The following IPO4 variants were observed in gnomAD, a reference collection of about 807,000 sequenced individuals.
IPO4 encodes importin 4, also known as importin-4.
Under a neutral mutation model 133.5 loss-of-function variants are expected in IPO4, and 91 were observed. The ratio of observed to expected loss-of-function variants is 0.68; its 90% confidence interval spans 0.58 to 0.81. IPO4 has a LOEUF of 0.81. Ranked by LOEUF, IPO4 falls within the 30% of genes least tolerant of loss-of-function variation. The pLI, the probability that IPO4 is intolerant of heterozygous loss-of-function variation, is 0.00. For missense variants in IPO4, 1,279 were observed against 1,386.2 expected (o/e 0.92, Z 1.23); for synonymous variants, 607 against 581.6 (o/e 1.04, Z -0.63).
rs1352910958 is a variant in IPO4, at chr14:24,183,372, G to A, written c.2122-17C>T. ...GTGAGGGCACTGCAGGATGAGGAGG[G>A]GCGGGATATGTCTGCTATGTGCACC... On this transcript the variant is annotated splice_polypyrimidine_tract_variant and intron_variant, in intron 21 of 29. Transcript: ENST00000354464. 6.3e-7 allele frequency: 1 copy of A among 1,599,924 alleles called. No homozygotes were observed. The highest frequency in any genetic ancestry group is 8.5e-7 in the Non-Finnish European group (1 of 1,172,242).
intron 18 of IPO4, 29 bp from the exon 19 acceptor site, chr14:24,183,927 G>T: frequency 6.2e-7 from 1 of 1,613,802 alleles, no homozygotes; most frequent in Non-Finnish European, 8.5e-7. Context: ...AAGGACTTTG[G>T]CTCAGCTGGG....
intron 28 of IPO4, 31 bp downstream of exon 28, chr14:24,181,482 C>T: frequency 2.0e-6 from 3 of 1,536,002 alleles, no homozygotes; most frequent in South Asian, 2.4e-5. Context: ...GCGGCACGTT[C>T]CCCTCTGAGG....
Position 24,188,814 on chromosome 14 carries a change from GC to G in IPO4, c.-28del. On this transcript the variant is annotated 5_prime_UTR_variant, in exon 1 of 30. Coordinates refer to ENST00000354464, the MANE Select transcript of IPO4 (RefSeq NM_024658.4). ...GCAGCAACTGAGCCGCCGCTACTGG[GC>G]CGAAAAGGGGAGGGGGAGGGACAGC... The G allele has an allele frequency of 4.7e-6, 7 of 1,477,620 alleles. No individual in the cohort carries two copies. The highest frequency in any genetic ancestry group is 6.3e-6 in the Non-Finnish European group (7 of 1,111,186). The allele number at this position is 1,477,620 out of a possible 1,614,324, so 91.5% of individuals were successfully genotyped here.
At position 24,185,558 on chromosome 14, in the gene IPO4, G is replaced by C. The variant is rs143723888; in HGVS notation, c.1179C>G (p.Pro393=). 28 of 1,613,840 alleles carry C rather than the reference G, an allele frequency of 1.7e-5. No homozygotes were observed. The highest frequency in any genetic ancestry group is 2.3e-5 in the Non-Finnish European group (27 of 1,179,870). ...AGDHIRQRLL[P]PLLQIVCKGL... is the part of the protein sequence containing the mutation. The stretch of plus-strand genomic sequence containing the variant: ...CCTTGCACACAATCTGCAGCAGTGG[G>C]GGCAGCAGTCTGGATGGGGCAAACA... Residue 393 remains proline (P), a synonymous_variant, in exon 13 of 30, where the codon CCC becomes CCG. Transcript: ENST00000354464.
intron 7 of IPO4, 52 bp downstream of exon 7, chr14:24,187,033 T>C: frequency 6.2e-7 from 1 of 1,611,962 alleles, no homozygotes; most frequent in East Asian, 2.2e-5. Flanking sequence ...TGGGCCAAAC[T>C]GGACACTTCT....
Position 24,188,701 on chromosome 14 carries a change from G to C in IPO4, c.69+18C>G. 8.1e-6 allele frequency: 13 copies of C among 1,597,228 alleles called. No individual in the cohort carries two copies. The highest frequency in any genetic ancestry group is 1.1e-5 in the Non-Finnish European group (13 of 1,170,858). On this transcript the variant is annotated intron_variant, in intron 1 of 29. Transcript: ENST00000354464. Reference sequence around the variant, plus strand: ...GCAACCTCCCGCTCGCCCTGGCCCGGTTACGCCTGCTCCGTACCCGACGGA... The same window carrying C: ...GCAACCTCCCGCTCGCCCTGGCCCGCTTACGCCTGCTCCGTACCCGACGGA...
Position 24,187,448 on chromosome 14 carries a change from G to A in IPO4, c.540C>T (p.Ser180=). 6.2e-7 allele frequency: 1 copy of A among 1,614,148 alleles called. No individual in the cohort carries two copies. Among genetic ancestry groups the A allele is most frequent in the East Asian group, 2.2e-5 (1 of 44,888 alleles). The part of the protein sequence containing the change: ...EVGSPGLLFY[S]LRTLTTMAPY... ...GAGCCATGGTGGTCAGAGTGCGCAG[G>A]GAGTAGAAGAGCAGCCCAGGAGAGC... The change falls in exon 6 of 30, where the codon TCC becomes TCT. Residue 180 remains serine (S), a synonymous_variant. Coordinates refer to ENST00000354464, the MANE Select transcript of IPO4 (RefSeq NM_024658.4).
chr14:24,186,188 A>G lies in IPO4; in HGVS notation c.1006-6T>C. ...AGTGCCAGCATGTCCACAACCTGAG[A>G]TGGGATGGGGAGACTTACTTTGCTT... On this transcript the variant is annotated splice_polypyrimidine_tract_variant and splice_region_variant and intron_variant, in intron 10 of 29. Coordinates refer to ENST00000354464, the MANE Select transcript of IPO4 (RefSeq NM_024658.4). 6.2e-7 allele frequency: 1 copy of G among 1,613,772 alleles called. No homozygotes were observed. Among genetic ancestry groups the G allele is most frequent in the South Asian group, 1.1e-5 (1 of 91,058 alleles).
rs747889812 is a variant in IPO4 at position 24,181,734 on chromosome 14, G to C, written c.2917C>G (p.Pro973Ala). 1 of 1,602,794 alleles carries C rather than the reference G, an allele frequency of 6.2e-7. No homozygotes were observed. Among genetic ancestry groups the C allele is most frequent in the Non-Finnish European group, 8.5e-7 (1 of 1,172,848 alleles). ...GALARLLMAS[P>A]TRKPEPQVLA... ...ACCTGGGGCTCTGGTTTCCTGGTGG[G>C]ACTGGCCATCAACAGGCGGGCAAGT... The change falls in exon 27 of 30, where the codon CCC (proline) becomes GCC (alanine). Residue 973 changes from proline (P) to alanine (A), a missense_variant. By Grantham distance (27) the Pro-to-Ala change is conservative. Coordinates refer to ENST00000354464, the MANE Select transcript of IPO4 (RefSeq NM_024658.4).
intron 15 of IPO4, 50 bp downstream of exon 15, chr14:24,184,817 C>T: frequency 6.2e-7 from 1 of 1,604,444 alleles, no homozygotes; most frequent in Non-Finnish European, 8.5e-7. Flanking sequence ...CCACCAGCCA[C>T]AGGGCCTTTG....
rs796874762 is a variant in IPO4 at position 24,187,981 on chromosome 14, G to GT, written c.279-186dup. The stretch of plus-strand genomic sequence containing the variant: ...AACAGCACTGTGGGCATGTAATCTG[G>GT]TAAGTTCAGTCTAACTTAGCCTGAA... On this transcript the variant is annotated intron_variant, in intron 4 of 29. Coordinates refer to ENST00000354464, the MANE Select transcript of IPO4 (RefSeq NM_024658.4). 5.5e-5 allele frequency: 43 copies of GT among 782,806 alleles called. No homozygotes were observed. The African/African-American group carries it at 6.8e-4, about 12-fold the overall frequency. The allele number at this position is 782,806 out of a possible 1,614,324, so 48.5% of individuals were successfully genotyped here.
chr14:24,187,853 T>C, intron 4 of IPO4, 57 bp from the exon 5 acceptor site: 1 of 1,602,876 alleles, frequency 6.2e-7, no homozygotes, highest in Non-Finnish European at 8.5e-7. Flanking sequence ...CTGCACACAG[T>C]GGCCAGGCTC....
intron 9 of IPO4, 104 bp downstream of exon 9, chr14:24,186,596 GCTTGAACC>G: frequency 7.4e-7 from 1 of 1,354,994 alleles, no homozygotes; most frequent in Non-Finnish European, 1.0e-6. Flanking sequence ...CCAGGCCAAG[GCTTGAACC>G]CCCACAGTAC....
intron 28 of IPO4, among the ~76,000 whole-genome samples, chr14:24,181,292 C>A (rs556600868): frequency 6.6e-6 from 1 of 152,322 alleles, no homozygotes; most frequent in East Asian, 1.9e-4. Flanking sequence ...AAAAATGCTA[C>A]GTGGAGAAAG....
rs760686412 is a variant in IPO4 at position 24,180,422 on chromosome 14, G to A, written c.*20C>T. Reference sequence around the variant, plus strand: ...GCCTGGGCAGGCTCTATTCTCTCTGGACTGGCTGCAGCCTGCAGTCTAGGA... The same window carrying A: ...GCCTGGGCAGGCTCTATTCTCTCTGAACTGGCTGCAGCCTGCAGTCTAGGA... On this transcript the variant is annotated 3_prime_UTR_variant, in exon 30 of 30. Transcript: ENST00000354464. The A allele has an allele frequency of 6.2e-7, 1 of 1,600,060 alleles. No individual in the cohort carries two copies. Among genetic ancestry groups the A allele is most frequent in the Non-Finnish European group, 8.5e-7 (1 of 1,169,944 alleles).
rs1462047633 is a variant in IPO4 at position 24,187,665 on chromosome 14, A to G, written c.408+2T>C. 6.2e-7 allele frequency: 1 copy of G among 1,613,878 alleles called. No individual in the cohort carries two copies. Among genetic ancestry groups the G allele is most frequent in the Non-Finnish European group, 8.5e-7 (1 of 1,179,868 alleles). On this transcript the variant is annotated splice_donor_variant, in intron 5 of 29. Coordinates refer to ENST00000354464, the MANE Select transcript of IPO4 (RefSeq NM_024658.4). LOFTEE classifies it high-confidence loss of function. ...TCCCTCCTGCCAACCATGTGATGGT[A>G]CCTCTCTCTCTGGGCTGTGGGGGCT...
chr14:24,185,991 C>A (rs143210192), intron 11 of IPO4, 21 bp from the exon 12 acceptor site: 1 of 1,609,222 alleles, frequency 6.2e-7, no homozygotes, highest in East Asian at 2.2e-5. Flanking sequence ...ATGTGGCACG[C>A]TTCTGAAACC....
chr14:24,185,033 C>T, intron 14 of IPO4, 53 bp from the exon 15 acceptor site: 3 of 1,591,988 alleles, frequency 1.9e-6, no homozygotes, highest in Non-Finnish European at 2.6e-6. Flanking sequence ...TACCTGCACG[C>T]CCACCTCCCT....
intron 2 of IPO4, 61 bp from the exon 3 acceptor site, chr14:24,188,484 G>A (rs2039260239): frequency 7.5e-6 from 12 of 1,606,644 alleles, no homozygotes; most frequent in Non-Finnish European, 9.4e-6. Context: ...GGACCGCAGT[G>A]GGCGAATACT....
Sources: gnomAD v4.1 joint callset for allele counts (sites outside exome capture counted in the v4.1 genomes callset) on GRCh38, gnomAD v4.1.1 for gene constraint, MANE v1.5 for transcripts, NCBI Gene and HGNC (gene_info 2026-07-23, HGNC 2026-07-21) for gene names.